Variants in NTNG1 observed in about 807,000 individuals in gnomAD.
NTNG1 encodes netrin G1.
A neutral mutation model predicts 54.0 loss-of-function variants in NTNG1; 16 were observed. That is an observed-to-expected ratio of 0.30 (90% CI 0.20 to 0.45). The LOEUF is 0.45. Among genes scored for constraint, NTNG1 ranks in the 20% least tolerant of loss-of-function variants. The pLI, the probability that NTNG1 is intolerant of heterozygous loss-of-function variation, is 1.00. For synonymous variants in NTNG1, 255 were observed against 263.1 expected (o/e 0.97, Z 0.30); for missense variants, 530 against 678.7 (o/e 0.78, Z 2.43).
chr1:107,401,175 G>A (rs923664116), intron 4 of NTNG1, among the ~76,000 whole-genome samples: 5 of 152,054 alleles, frequency 3.3e-5, no homozygotes, highest in South Asian at 2.1e-4. Context: ...ATGGCCAATC[G>A]AACCATCTAG....
intron 7 of NTNG1, among the ~76,000 whole-genome samples, chr1:107,437,905 C>A (rs1055374445): frequency 6.6e-6 from 1 of 152,006 alleles, no homozygotes; most frequent in African/African-American, 2.4e-5. Context: ...GACAGCACAG[C>A]CCTAGAGTTA....
intron 2 of NTNG1, among the ~76,000 whole-genome samples, chr1:107,303,286 T>G (rs1666435195): frequency 6.6e-6 from 1 of 152,162 alleles, no homozygotes; most frequent in Non-Finnish European, 1.5e-5. Context: ...TTGCCTAAAA[T>G]CAATCCTTAT....
intron 2 of NTNG1, among the ~76,000 whole-genome samples, chr1:107,195,395 C>T (rs753967594): frequency 6.6e-6 from 1 of 151,992 alleles, no homozygotes; most frequent in Non-Finnish European, 1.5e-5. Context: ...TGCCTTACTC[C>T]TGCCTTTGCC....
intron 2 of NTNG1, 89 bp downstream of exon 2, chr1:107,148,928 T>G: frequency 7.6e-7 from 1 of 1,318,066 alleles, no homozygotes; most frequent in Non-Finnish European, 1.1e-6. Flanking sequence ...AGACAATTCA[T>G]GCAATAAGTT....
At chr1:107,344,319 T>C (rs1669091543) in intron 3 of NTNG1, among the ~76,000 whole-genome samples, 2 of 152,332 alleles carry the variant, frequency 1.3e-5, no homozygotes, top group South Asian at 2.1e-4. Context: ...GTTTCTTTGA[T>C]CTAAAATTAT....
rs1372770958 is a variant in NTNG1, at chr1:107,482,508, G to A, written c.*1668G>A. The A allele has an allele frequency of 2.0e-5, 3 of 152,202 alleles. No individual in the cohort carries two copies. Among genetic ancestry groups the A allele is most frequent in the African/African-American group, 7.2e-5 (3 of 41,448 alleles). 9.4% of individuals were successfully genotyped at this position (152,202 alleles called of 1,614,324 possible). A position where few individuals can be genotyped will look rare whatever the true frequency, so the allele number is the denominator to read the frequency against. On this transcript the variant is annotated 3_prime_UTR_variant, in exon 8 of 8. Coordinates refer to ENST00000370068, the MANE Select transcript of NTNG1 (RefSeq NM_001113226.3). ...AAGAACCTTTGCAAAGTTTCAAAGAGGCTAAGACAGTGTGCATTTCGTTCC... is the reference window on the plus strand; with the variant it reads ...AAGAACCTTTGCAAAGTTTCAAAGAAGCTAAGACAGTGTGCATTTCGTTCC...
At chr1:107,281,692 T>TAC (rs909454228) in intron 2 of NTNG1, among the ~76,000 whole-genome samples, 14 of 151,590 alleles carry the variant, frequency 9.2e-5, no homozygotes, top group East Asian at 3.9e-4. Context: ...AATATATATA[T>TAC]ACACACACAC....
At chr1:107,230,131 T>C (rs1023973614) in intron 2 of NTNG1, among the ~76,000 whole-genome samples, 1 of 152,192 alleles carries the variant, frequency 6.6e-6, no homozygotes, top group African/African-American at 2.4e-5. Flanking sequence ...CTCAAAAATG[T>C]GTAGTTTCTT....
At chr1:107,312,788 C>T (rs1226722219) in intron 2 of NTNG1, among the ~76,000 whole-genome samples, 1 of 152,078 alleles carries the variant, frequency 6.6e-6, no homozygotes, top group East Asian at 1.9e-4. Flanking sequence ...TATACTACTG[C>T]TTGGTAGAAA....
intron 2 of NTNG1, among the ~76,000 whole-genome samples, chr1:107,211,292 C>G (rs183082857): frequency 6.6e-6 from 1 of 152,182 alleles, no homozygotes; most frequent in Non-Finnish European, 1.5e-5. Context: ...CAAAGTTTGT[C>G]TCATCTGTGA....
At chr1:107,195,303 A>AT (rs975878129) in intron 2 of NTNG1, among the ~76,000 whole-genome samples, 2 of 151,894 alleles carry the variant, frequency 1.3e-5, no homozygotes, top group Non-Finnish European at 2.9e-5. Flanking sequence ...GAATCGTACA[A>AT]TTTTTTTCAC....
At chr1:107,381,021 A>G (rs1671609978) in intron 3 of NTNG1, among the ~76,000 whole-genome samples, 1 of 152,216 alleles carries the variant, frequency 6.6e-6, no homozygotes, top group Non-Finnish European at 1.5e-5. Context: ...AATGCTCAGA[A>G]ATAGTAAAAA....
At chr1:107,202,113 C>T (rs576879518) in intron 2 of NTNG1, among the ~76,000 whole-genome samples, 23 of 151,422 alleles carry the variant, frequency 1.5e-4, no homozygotes, top group African/African-American at 5.6e-4. Flanking sequence ...TTTTAAAAAA[C>T]CTTTTTATTG....
chr1:107,414,376 TATTTG>T (rs1674057401), intron 5 of NTNG1, among the ~76,000 whole-genome samples: 1 of 152,200 alleles, frequency 6.6e-6, no homozygotes, highest in Admixed American at 6.6e-5. Flanking sequence ...AGAAACTACC[TATTTG>T]ATTCATATTC....
At chr1:107,174,274 G>C (rs1263968997) in intron 2 of NTNG1, among the ~76,000 whole-genome samples, 1 of 152,040 alleles carries the variant, frequency 6.6e-6, no homozygotes, top group Non-Finnish European at 1.5e-5. Flanking sequence ...AAAATAAAAA[G>C]CACAGTTACT....
intron 2 of NTNG1, among the ~76,000 whole-genome samples, chr1:107,268,449 G>A (rs1369683126): frequency 6.6e-6 from 1 of 151,306 alleles, no homozygotes; most frequent in Admixed American, 6.6e-5. Flanking sequence ...TCTTCACTGG[G>A]CTTTTTGGAC....
Position 107,378,144 on chromosome 1 carries a change from G to A in NTNG1, c.888-17010G>A, listed in dbSNP as rs545444185. Among the ~76,000 whole-genome samples the A allele has an allele frequency of 3.3e-4, 51 of 152,288 alleles. No individual in the cohort carries two copies. In the South Asian group the frequency reaches 9.1e-3, roughly 27 times the overall value. On this transcript the variant is annotated intron_variant, in intron 3 of 7. Coordinates refer to ENST00000370068, the MANE Select transcript of NTNG1 (RefSeq NM_001113226.3). ...TTTACGTGCTTGCAATGTAGAAACC[G>A]AAGCTCAGAGAAATTAGACAATAGG...
intron 2 of NTNG1, among the ~76,000 whole-genome samples, chr1:107,316,509 C>G (rs914959630): frequency 6.6e-6 from 1 of 152,186 alleles, no homozygotes; most frequent in Non-Finnish European, 1.5e-5. Context: ...TGGGTTTGAG[C>G]ACATACCTCC....
At chr1:107,407,492 T>TTGTGTGTG (rs3838422) in intron 4 of NTNG1, among the ~76,000 whole-genome samples, 190 bp from the exon 5 acceptor site, 1 of 150,210 alleles carries the variant, frequency 6.7e-6, no homozygotes, top group African/African-American at 2.4e-5. Context: ...TTGCTGGAAA[T>TTGTGTGTG]TGTGTGTGTG....
Sources: allele counts gnomAD v4.1 joint callset (sites outside exome capture counted in the v4.1 genomes callset), GRCh38; gene constraint gnomAD v4.1.1; transcripts MANE v1.5; gene names NCBI Gene and HGNC (gene_info 2026-07-23, HGNC 2026-07-21).